LRRC4C: variants seen among roughly 807,000 people sequenced by gnomAD.
LRRC4C encodes the protein leucine-rich repeat-containing protein 4C.
Under a neutral mutation model 33.6 loss-of-function variants are expected in LRRC4C, and 5 were observed. The observed-to-expected ratio is 0.15, with a 90% CI of 0.08 to 0.31. The LOEUF (loss-of-function observed/expected upper bound fraction) is 0.31, where lower values mean the gene tolerates loss of function less well. LRRC4C is among the 10% of genes least tolerant of loss of function. The probability of loss-of-function intolerance (pLI) is 1.00; values close to 1 mark genes in which losing one functional copy is unlikely to be tolerated. For missense variants in LRRC4C, 560 were observed against 796.7 expected (o/e 0.70, Z 3.58); for synonymous variants, 329 against 302.0 (o/e 1.09, Z -0.93).
chr11:40,514,022 A>G (rs1955453714), intron 3 of LRRC4C, among the ~76,000 whole-genome samples: 1 of 152,130 alleles, frequency 6.6e-6, no homozygotes, highest in Non-Finnish European at 1.5e-5. Flanking sequence ...AATTGCTACT[A>G]AGGCAAATAG....
intron 1 of LRRC4C, among the ~76,000 whole-genome samples, chr11:41,324,449 A>T (rs1951048209): frequency 6.6e-6 from 1 of 152,148 alleles, no homozygotes; most frequent in Admixed American, 6.6e-5. Context: ...AAATAAATAA[A>T]AGTACTATTT....
intron 5 of LRRC4C, among the ~76,000 whole-genome samples, chr11:40,194,845 T>C (rs1862126299): frequency 6.6e-6 from 1 of 152,022 alleles, no homozygotes; most frequent in African/African-American, 2.4e-5. Context: ...TCCCAGCACT[T>C]TGGGAGGCCG....
At chr11:40,673,703 C>G (rs1341852698) in intron 2 of LRRC4C, among the ~76,000 whole-genome samples, 1 of 152,158 alleles carries the variant, frequency 6.6e-6, no homozygotes. Context: ...TAAGTACATA[C>G]TATGATTAGT....
intron 1 of LRRC4C, among the ~76,000 whole-genome samples, chr11:41,298,917 C>T (rs962349806): frequency 2.0e-5 from 3 of 152,074 alleles, no homozygotes; most frequent in Non-Finnish European, 4.4e-5. Flanking sequence ...TCTGAGTTGC[C>T]TCCTTTAAGA....
At chr11:40,699,949 A>C (rs989063163) in intron 2 of LRRC4C, among the ~76,000 whole-genome samples, 1 of 152,218 alleles carries the variant, frequency 6.6e-6, no homozygotes, top group African/African-American at 2.4e-5. Flanking sequence ...TTTAAATTAC[A>C]CAGCTTCTTA....
intron 2 of LRRC4C, among the ~76,000 whole-genome samples, chr11:40,866,227 T>A (rs908560678): frequency 2.0e-5 from 3 of 151,944 alleles, no homozygotes; most frequent in Non-Finnish European, 4.4e-5. Context: ...CCCTCTATTT[T>A]TTTCTTCTAT....
intron 1 of LRRC4C, among the ~76,000 whole-genome samples, chr11:41,121,970 G>T (rs931366296): frequency 1.3e-5 from 2 of 152,044 alleles, no homozygotes; most frequent in African/African-American, 2.4e-5. Context: ...CACACAAATG[G>T]TAGGGGAATG....
intron 1 of LRRC4C, among the ~76,000 whole-genome samples, chr11:41,069,191 CA>C (rs1938495227): frequency 6.6e-6 from 1 of 152,094 alleles, no homozygotes; most frequent in Non-Finnish European, 1.5e-5. Flanking sequence ...CTAATAGAGA[CA>C]GAAAAGGCCT....
chr11:40,282,981 C>T (rs1025585333), intron 4 of LRRC4C, among the ~76,000 whole-genome samples: 1 of 152,180 alleles, frequency 6.6e-6, no homozygotes, highest in East Asian at 1.9e-4. Flanking sequence ...ATGGACATTA[C>T]TCAAACTTAA....
intron 3 of LRRC4C, among the ~76,000 whole-genome samples, chr11:40,638,139 T>A (rs551428568): frequency 3.9e-5 from 6 of 152,360 alleles, no homozygotes; most frequent in African/African-American, 1.4e-4. Context: ...TATATTTTTC[T>A]GTAGAACTTG....
At chr11:40,304,243 T>C (rs1393274720) in intron 4 of LRRC4C, among the ~76,000 whole-genome samples, 1 of 152,160 alleles carries the variant, frequency 6.6e-6, no homozygotes. Context: ...AGTAATGCAA[T>C]TAAATTAAGC....
At chr11:41,150,812 AAAATAAAAT>A (rs1423102626) in intron 1 of LRRC4C, among the ~76,000 whole-genome samples, 5 of 136,726 alleles carry the variant, frequency 3.7e-5, no homozygotes, top group East Asian at 4.4e-4. Flanking sequence ...AAAATAAAAT[AAAATAAAAT>A]AAATAAAGTA....
chr11:41,096,056 G>T (rs1399390693), intron 1 of LRRC4C, among the ~76,000 whole-genome samples: 1 of 152,052 alleles, frequency 6.6e-6, no homozygotes, highest in Non-Finnish European at 1.5e-5. Context: ...ATAGTATTAA[G>T]TAGTATGGAC....
intron 1 of LRRC4C, among the ~76,000 whole-genome samples, chr11:40,974,751 G>A (rs1482419021): frequency 6.6e-6 from 1 of 152,180 alleles, no homozygotes; most frequent in Non-Finnish European, 1.5e-5. Context: ...CCTGCAGTGT[G>A]AGTGGATATC....
chr11:41,201,937 CA>C (rs1269467544), intron 1 of LRRC4C, among the ~76,000 whole-genome samples: 1 of 151,724 alleles, frequency 6.6e-6, no homozygotes, highest in Non-Finnish European at 1.5e-5. Context: ...CACACACACA[CA>C]CACACACAAG....
intron 4 of LRRC4C, among the ~76,000 whole-genome samples, chr11:40,310,553 C>T (rs1399381497): frequency 1.3e-5 from 2 of 152,134 alleles, no homozygotes; most frequent in Non-Finnish European, 2.9e-5. Context: ...GTGCTGTATC[C>T]TCCAATCATC....
At chr11:40,875,099 G>T (rs1455352895) in intron 2 of LRRC4C, among the ~76,000 whole-genome samples, 1 of 151,876 alleles carries the variant, frequency 6.6e-6, no homozygotes. Context: ...TATTATTTTA[G>T]TACACAAGAA....
At chr11:40,119,318 CTA>C (rs1167768465) in intron 6 of LRRC4C, among the ~76,000 whole-genome samples, 3 of 152,296 alleles carry the variant, frequency 2.0e-5, no homozygotes, top group Non-Finnish European at 2.9e-5. Context: ...GTGTCCTTCT[CTA>C]TGACAGCAAA....
chr11:40,864,547 C>T lies in LRRC4C; in HGVS notation c.-407+69088G>A, dbSNP rs540380480. On this transcript the variant is annotated intron_variant, in intron 2 of 6. Coordinates refer to ENST00000528697, the MANE Select transcript of LRRC4C (RefSeq NM_001258419.2). The stretch of plus-strand genomic sequence containing the variant: ...TGTATTATCTGGTCTTACAGAGAAA[C>T]GTTGATGACTCCTGATTTAGACCAA... 1.1e-4 allele frequency among the ~76,000 whole-genome samples: 17 copies of T among 152,188 alleles called. No homozygotes were observed. In the South Asian group the frequency reaches 1.7e-3, roughly 15 times the overall value.
Sources: allele counts gnomAD v4.1 joint callset (sites outside exome capture counted in the v4.1 genomes callset), GRCh38; gene constraint gnomAD v4.1.1; transcripts MANE v1.5; gene names NCBI Gene and HGNC (gene_info 2026-07-23, HGNC 2026-07-21).